Variants in TIMMDC1 observed in about 807,000 individuals in gnomAD.
TIMMDC1 encodes complex I assembly factor TIMMDC1, mitochondrial.
In TIMMDC1, 25 loss-of-function variants were observed where a neutral mutation model predicts 32.6. The observed-to-expected ratio is 0.77, with a 90% CI of 0.56 to 1.07. The LOEUF (loss-of-function observed/expected upper bound fraction) is 1.07, where lower values mean the gene tolerates loss of function less well. TIMMDC1 is among the 50% of genes least tolerant of loss of function. The pLI is 0.00. For missense variants in TIMMDC1, 329 were observed against 349.2 expected (o/e 0.94, Z 0.46); for synonymous variants, 130 against 127.6 (o/e 1.02, Z -0.13).
intron 4 of TIMMDC1, among the ~76,000 whole-genome samples, chr3:119,507,978 A>G (rs1461281269): frequency 1.3e-5 from 2 of 152,182 alleles, no homozygotes; most frequent in Admixed American, 1.3e-4. Context: ...ATGGGAGGCT[A>G]GAGCAGTTGC....
chr3:119,521,726 G>A (rs1405002245), intron 6 of TIMMDC1, among the ~76,000 whole-genome samples: 1 of 151,688 alleles, frequency 6.6e-6, no homozygotes, highest in Admixed American at 6.6e-5. Context: ...GGGAGCTTGG[G>A]GGGAAACTTG....
In TIMMDC1 at chr3:119,504,113, G is replaced by T. The variant is rs546133569; in HGVS notation, c.517+92G>T. On this transcript the variant is annotated intron_variant, in intron 4 of 6. Transcript: ENST00000494664. ...TACATCAGAACTACTGAATTCTTTGGTTGGCTTCCCATTACATCTCATCAA... is the reference window on the plus strand; with the variant it reads ...TACATCAGAACTACTGAATTCTTTGTTTGGCTTCCCATTACATCTCATCAA... 1.1e-4 allele frequency: 104 copies of T among 976,472 alleles called. No individual in the cohort carries two copies. The Admixed American group carries it at 1.3e-3, about 12-fold the overall frequency. The allele number at this position is 976,472 out of a possible 1,614,324, so 60.5% of individuals were successfully genotyped here.
chr3:119,522,794 G>A (rs1012429053), intron 6 of TIMMDC1, among the ~76,000 whole-genome samples: 7 of 143,942 alleles, frequency 4.9e-5, no homozygotes, highest in East Asian at 2.1e-4. Flanking sequence ...GCATATACAC[G>A]TATGGGTGTT....
chr3:119,515,683 C>A (rs537662837), intron 5 of TIMMDC1, among the ~76,000 whole-genome samples: 79 of 152,268 alleles, frequency 5.2e-4, no homozygotes, highest in Admixed American at 9.2e-4. Context: ...ATATCTTTTT[C>A]CCAATGTGAT....
intron 4 of TIMMDC1, among the ~76,000 whole-genome samples, chr3:119,506,731 C>T (rs899456099): frequency 4.6e-5 from 7 of 152,008 alleles, no homozygotes; most frequent in Non-Finnish European, 1.0e-4. Flanking sequence ...ATGATTTTGC[C>T]ACTTTTCTGT....
intron 4 of TIMMDC1, among the ~76,000 whole-genome samples, chr3:119,505,135 G>T (rs2081909747): frequency 6.6e-6 from 1 of 151,522 alleles, no homozygotes; most frequent in African/African-American, 2.4e-5. Context: ...AATAGTATGT[G>T]AAGTAACGTG....
At chr3:119,516,437 T>C (rs2081985877) in intron 5 of TIMMDC1, among the ~76,000 whole-genome samples, 1 of 152,232 alleles carries the variant, frequency 6.6e-6, no homozygotes, top group Admixed American at 6.5e-5. Context: ...TTGCCCTCTT[T>C]TTTAAGGCTG....
chr3:119,499,766 C>T (rs1335762962), intron 1 of TIMMDC1, among the ~76,000 whole-genome samples: 1 of 152,152 alleles, frequency 6.6e-6, no homozygotes, highest in East Asian at 1.9e-4. Context: ...ATACTTAAGA[C>T]AGCTATTTGT....
chr3:119,503,358 G>A (rs2081892780), intron 2 of TIMMDC1, among the ~76,000 whole-genome samples, 174 bp from the exon 3 acceptor site: 1 of 152,166 alleles, frequency 6.6e-6, no homozygotes, highest in South Asian at 2.1e-4. Flanking sequence ...GCTACACATG[G>A]AACTTTTACG....
chr3:119,500,991 C>T, intron 2 of TIMMDC1, 131 bp downstream of exon 2: 2 of 844,878 alleles, frequency 2.4e-6, no homozygotes, highest in Non-Finnish European at 3.6e-6. Flanking sequence ...AAAGTCTGTA[C>T]TTAATAACAG....
In TIMMDC1 at chr3:119,524,547, G is replaced by A. The variant is rs781632056; in HGVS notation, c.*791G>A. ...GGAGCAAGGTTTGTGAAGCAGCATA[G>A]TGAGGTAGCTAAAGCCATGGGCTGG... On this transcript the variant is annotated 3_prime_UTR_variant, in exon 7 of 7. Transcript: ENST00000494664. The A allele has an allele frequency of 3.9e-5, 6 of 152,366 alleles. No individual in the cohort carries two copies. Among genetic ancestry groups the A allele is most frequent in the Non-Finnish European group, 8.8e-5 (6 of 68,038 alleles). 9.4% of individuals were successfully genotyped at this position (152,366 alleles called of 1,614,324 possible).
rs139467319 is a variant in TIMMDC1, at chr3:119,500,730, T to C, written c.230T>C (p.Ile77Thr). ...QQRISKDLAN[I>T]CKTAATAGII... ...AGAATTTCAAAGGACCTTGCTAATA[T>C]CTGTAAGACGGCAGCTACAGCAGGC... is the stretch of plus-strand genomic sequence containing the variant. The change falls in exon 2 of 7, where the codon ATC (isoleucine) becomes ACC (threonine). Residue 77 changes from isoleucine (I) to threonine (T), a missense_variant. Ile to Thr is a moderately conservative substitution (Grantham distance 89). Transcript: ENST00000494664. The C allele has an allele frequency of 7.7e-5, 124 of 1,613,720 alleles. No homozygotes were observed. The African/African-American group carries it at 1.4e-3, about 18-fold the overall frequency.
chr3:119,511,671 A>G (rs2081954042), intron 4 of TIMMDC1, among the ~76,000 whole-genome samples: 1 of 152,180 alleles, frequency 6.6e-6, no homozygotes, highest in Admixed American at 6.5e-5. Flanking sequence ...AATGTAAACA[A>G]TGCCAAAATA....
At chr3:119,513,595 C>A in intron 4 of TIMMDC1, 46 bp from the exon 5 acceptor site, 1 of 1,426,802 alleles carries the variant, frequency 7.0e-7, no homozygotes, top group South Asian at 1.2e-5. Flanking sequence ...AAATAGGATT[C>A]TAGTTTTAAA....
chr3:119,519,202 C>T (rs2082007025), intron 6 of TIMMDC1, among the ~76,000 whole-genome samples: 1 of 152,134 alleles, frequency 6.6e-6, no homozygotes, highest in Middle Eastern at 3.4e-3. Flanking sequence ...AAAGATTATA[C>T]AAAACAACCA....
chr3:119,503,738 C>CTT (rs11358423), intron 3 of TIMMDC1, 118 bp downstream of exon 3: 817 of 671,008 alleles, frequency 1.2e-3, no homozygotes, highest in Non-Finnish European at 1.4e-3. Flanking sequence ...TTAATAATGC[C>CTT]TTTTTTTTTT....
chr3:119,513,508 A>T, intron 4 of TIMMDC1, 133 bp from the exon 5 acceptor site: 2 of 662,102 alleles, frequency 3.0e-6, no homozygotes, highest in Non-Finnish European at 5.4e-6. Context: ...TTCAGGAAGT[A>T]TAGGCTGTAG....
intron 6 of TIMMDC1, among the ~76,000 whole-genome samples, chr3:119,521,316 A>G (rs1188855889): frequency 2.0e-5 from 3 of 152,178 alleles, no homozygotes; most frequent in African/African-American, 7.2e-5. Context: ...GGACTTTGGG[A>G]GGCCGAGGCA....
chr3:119,522,104 GC>G (rs1553780630), intron 6 of TIMMDC1, among the ~76,000 whole-genome samples: 7 of 152,044 alleles, frequency 4.6e-5, no homozygotes, highest in Non-Finnish European at 1.0e-4. Context: ...AGTTATCTGC[GC>G]CCCCATGCTT....
Sources: allele counts gnomAD v4.1 joint callset (sites outside exome capture counted in the v4.1 genomes callset), GRCh38; gene constraint gnomAD v4.1.1; transcripts MANE v1.5; gene names NCBI Gene and HGNC (gene_info 2026-07-23, HGNC 2026-07-21).